Variants in MYO15A observed in about 807,000 individuals in gnomAD.
The protein encoded by MYO15A is unconventional myosin-XV.
In MYO15A, 308 loss-of-function variants were observed where a neutral mutation model predicts 394.6. The ratio of observed to expected loss-of-function variants is 0.78; its 90% CI spans 0.71 to 0.86. The LOEUF is 0.86. MYO15A is among the 40% of genes least tolerant of loss of function. MYO15A has a pLI of 0.00. For synonymous variants in MYO15A, 1,957 were observed against 2,003.8 expected, an observed-to-expected ratio of 0.98 and a Z score of 0.62; for missense variants, 4,606 against 4,799.1, an observed-to-expected ratio of 0.96 and a Z score of 1.19.
chr17:18,144,301 G>A (rs1367857007), intron 28 of MYO15A, among the ~76,000 whole-genome samples, 196 bp from the exon 29 acceptor site: 1 of 152,134 alleles, frequency 6.6e-6, no homozygotes, highest in Non-Finnish European at 1.5e-5. Flanking sequence ...TGAGATGAAG[G>A]TTTATCCTGT....
At position 18,124,496 on chromosome 17, in the gene MYO15A, G is replaced by A. The variant is rs778112788; in HGVS notation, c.3623G>A (p.Arg1208His). 7.7e-5 allele frequency: 124 copies of A among 1,612,050 alleles called. No homozygotes were observed. The Middle Eastern group carries it at 9.9e-4, about 13-fold the overall frequency. Residue 1208 changes from arginine to histidine, a missense_variant, in exon 3 of 66, where the codon CGC becomes CAC. Transcript: ENST00000647165. ...PSWRNKMHSI[R>H]NLPSMRFREQ... ...TCTCTCACACAGATGCACTCCATCC[G>A]CAACCTGCCATCCATGCGGTTCCGT...
In MYO15A at chr17:18,121,713, G is replaced by C; in HGVS notation, c.2913G>C (p.Val971=). The C allele has an allele frequency of 1.2e-6, 2 of 1,603,258 alleles. No homozygotes were observed. The highest frequency in any genetic ancestry group is 2.2e-5 in the South Asian group (2 of 90,160). The change falls in exon 2 of 66, where the codon GTG becomes GTC. Residue 971 remains valine (V), a synonymous_variant. Transcript: ENST00000647165. This position sits in a 1 kb window ranked among gnomAD's most constrained non-coding sequence, Gnocchi z 5.3. Reference sequence around the variant, plus strand: ...CCTTTCTCCAGCTCCTGGGCCCTGTGCCATCCCCCACCCTCCAGCCTGAGG... The same window carrying C: ...CCTTTCTCCAGCTCCTGGGCCCTGTCCCATCCCCCACCCTCCAGCCTGAGG... ...ENPFLQLLGP[V]PSPTLQPEDP...
chr17:18,159,510 C>G, intron 54 of MYO15A, 96 bp from the exon 55 acceptor site: 1 of 1,468,406 alleles, frequency 6.8e-7, no homozygotes, highest in Non-Finnish European at 9.4e-7. Flanking sequence ...TGCCTGTGGC[C>G]AAGGCTCCCA....
At chr17:18,169,983 A>C (rs1047214117) in intron 62 of MYO15A, among the ~76,000 whole-genome samples, 2 of 123,610 alleles carry the variant, frequency 1.6e-5, no homozygotes, top group Admixed American at 9.3e-5. Context: ...AAAAAAAAAA[A>C]AAAAAAAAAA....
At chr17:18,139,486 C>T (rs1392781806) in intron 18 of MYO15A, 48 bp from the exon 19 acceptor site, 20 of 1,582,500 alleles carry the variant, frequency 1.3e-5, no homozygotes, top group Non-Finnish European at 1.6e-5. Flanking sequence ...CTAGGATAGA[C>T]AGAGAGACAG....
At position 18,140,125 on chromosome 17, in the gene MYO15A, A is replaced by G. The variant is rs112400382; in HGVS notation, c.5212-392A>G. ...TACACTACGGCCAGCAGATGGCCCT[A>G]TGACAGAGCACAGGCCTGGTAACAT... is the stretch of plus-strand genomic sequence containing the variant. On this transcript the variant is annotated intron_variant, in intron 19 of 65. Transcript: ENST00000647165. Among the ~76,000 whole-genome samples, 172 of 152,274 alleles carry G rather than the reference A, an allele frequency of 1.1e-3. 1 individual carries two copies. Among genetic ancestry groups the G allele is most frequent in the African/African-American group, 4.0e-3 (165 of 41,552 alleles).
At chr17:18,124,443 G>T in intron 2 of MYO15A, 40 bp from the exon 3 acceptor site, 3 of 1,593,798 alleles carry the variant, frequency 1.9e-6, no homozygotes, top group Non-Finnish European at 2.6e-6. Context: ...GGAGGGGGGT[G>T]CCCTTCAACC....
At position 18,153,638 on chromosome 17, in the gene MYO15A, C is replaced by T. The variant is rs1043361603; in HGVS notation, c.7967-137C>T. The T allele has an allele frequency of 3.2e-5, 28 of 871,118 alleles. No individual in the cohort carries two copies. Among genetic ancestry groups the T allele is most frequent in the Non-Finnish European group, 4.2e-5 (28 of 664,718 alleles). 54.0% of individuals were successfully genotyped at this position (871,118 alleles called of 1,614,324 possible). ...GCTTGAACCCAGGAGGCGGAGCTTGCAGTGGGCCGAGATTGCGCCACTGCA... is the reference window on the plus strand; with the variant it reads ...GCTTGAACCCAGGAGGCGGAGCTTGTAGTGGGCCGAGATTGCGCCACTGCA... On this transcript the variant is annotated intron_variant, in intron 42 of 65. Coordinates refer to ENST00000647165, the MANE Select transcript of MYO15A (RefSeq NM_016239.4). This position sits in a 1 kb window ranked among gnomAD's most constrained non-coding sequence, Gnocchi z 4.1.
intron 33 of MYO15A, 49 bp downstream of exon 33, chr17:18,149,001 A>G: frequency 6.5e-7 from 1 of 1,547,252 alleles, no homozygotes; most frequent in Non-Finnish European, 8.7e-7. Flanking sequence ...CCCAGGCAGA[A>G]GGCCGGCCAC....
intron 15 of MYO15A, 107 bp downstream of exon 15, chr17:18,136,793 C>G (rs1477738251): frequency 6.9e-7 from 1 of 1,453,322 alleles, no homozygotes; most frequent in African/African-American, 1.4e-5. Flanking sequence ...GCAGCAGGTG[C>G]CATCCTCCCT....
At position 18,157,213 on chromosome 17, in the gene MYO15A, G is replaced by C. The variant is rs754049993; in HGVS notation, c.8771G>C (p.Arg2924Pro). ...RKVVYLEELR[R>P]RGPDFGWRFG... is the part of the protein sequence containing the mutation. ...GTGGTGTACCTGGAGGAGCTGCGAC[G>C]TAGAGGCCCCGACTTTGGTGTGTGC... The change falls in exon 50 of 66, where the codon CGT becomes CCT. Residue 2924 changes from arginine to proline, a missense_variant. Physicochemically the swap from Arg to Pro is moderately radical, Grantham distance 103. Coordinates refer to ENST00000647165, the MANE Select transcript of MYO15A (RefSeq NM_016239.4). 8.1e-6 allele frequency: 13 copies of C among 1,607,606 alleles called. No homozygotes were observed. Among genetic ancestry groups the C allele is most frequent in the African/African-American group, 8.0e-5 (6 of 74,730 alleles).
At chr17:18,159,138 C>T in intron 53 of MYO15A, 137 bp from the exon 54 acceptor site, 3 of 1,362,538 alleles carry the variant, frequency 2.2e-6, no homozygotes, top group South Asian at 2.4e-5. Flanking sequence ...AGGACAGCCT[C>T]TGTCCCCAGT....
At chr17:18,129,050 C>T (rs2046105179) in intron 7 of MYO15A, among the ~76,000 whole-genome samples, 1 of 152,194 alleles carries the variant, frequency 6.6e-6, no homozygotes, top group Admixed American at 6.5e-5. Flanking sequence ...TGTCTTGGCT[C>T]CACCCTCCCC....
intron 1 of MYO15A, among the ~76,000 whole-genome samples, chr17:18,112,660 G>C: frequency 6.6e-6 from 1 of 152,018 alleles, no homozygotes. Context: ...CACCTGCCTC[G>C]GCCTCCCGAA....
intron 47 of MYO15A, among the ~76,000 whole-genome samples, chr17:18,155,676 C>G (rs1426165752): frequency 2.0e-5 from 3 of 152,234 alleles, no homozygotes; most frequent in East Asian, 1.9e-4. Flanking sequence ...TCCCCCCAAC[C>G]TGCACAGCAG....
chr17:18,122,523 C>T (rs2045958523), intron 2 of MYO15A, 114 bp downstream of exon 2: 1 of 1,444,752 alleles, frequency 6.9e-7, no homozygotes, highest in East Asian at 2.4e-5. Flanking sequence ...TTGCTGGGGC[C>T]TCAGTCTCTG....
In MYO15A at chr17:18,148,515, G is replaced by A. The variant is rs1052767163; in HGVS notation, c.6711G>A (p.Pro2237=). Residue 2237 remains proline, a synonymous_variant, in exon 32 of 66, where the codon CCG becomes CCA. Coordinates refer to ENST00000647165, the MANE Select transcript of MYO15A (RefSeq NM_016239.4). This position sits in a 1 kb window ranked among gnomAD's most constrained non-coding sequence, Gnocchi z 4.8. The part of the protein sequence containing the change: ...GCFNGDQFSC[P]VHSWSTGEEV... ...CCCCAGGTGACCAGTTCTCCTGCCC[G>A]GTGCACTCCTGGAGTACGGGGGAAG... is the stretch of plus-strand genomic sequence containing the variant. 2.1e-5 allele frequency: 32 copies of A among 1,552,562 alleles called. No homozygotes were observed. Among genetic ancestry groups the A allele is most frequent in the Middle Eastern group, 3.3e-4 (2 of 6,010 alleles).
Position 18,137,105 on chromosome 17 carries a change from G to A in MYO15A, c.4779+419G>A, listed in dbSNP as rs927681947. Among the ~76,000 whole-genome samples, 6 of 152,182 alleles carry A rather than the reference G, an allele frequency of 3.9e-5. No individual in the cohort carries two copies. The East Asian group carries it at 7.7e-4, about 20-fold the overall frequency. On this transcript the variant is annotated intron_variant, in intron 15 of 65. Transcript: ENST00000647165. ...TGGGACTGGACTTCGTGTGTTGGGG[G>A]GTGACTGTTTTGTGAGTGCACAGCA...
Position 18,122,265 on chromosome 17 carries a change from C to T in MYO15A, c.3465C>T (p.Ser1155=). Residue 1155 remains serine, a synonymous_variant, in exon 2 of 66, where the codon TCC becomes TCT. Transcript: ENST00000647165. ...CAAGAGCCTGTAGTCTTCGCTGGTC[C>T]TGCCTCTGGCTTCGGGCAGATGCCT... ...PKPRACSLRW[S]CLWLRADAYG... The T allele has an allele frequency of 6.2e-7, 1 of 1,613,178 alleles. No homozygotes were observed. The highest frequency in any genetic ancestry group is 8.5e-7 in the Non-Finnish European group (1 of 1,180,016).
Sources: allele counts gnomAD v4.1 joint callset (sites outside exome capture counted in the v4.1 genomes callset), GRCh38; gene constraint gnomAD v4.1.1; non-coding constraint Gnocchi (gnomAD v3.1); transcripts MANE v1.5; gene names NCBI Gene and HGNC (gene_info 2026-07-23, HGNC 2026-07-21).